Variants in ZNF503 observed in about 807,000 individuals in gnomAD.
The protein encoded by ZNF503 is zinc finger protein 503, also known as NocA-like zinc finger 2.
In ZNF503, 15 loss-of-function variants were observed where a neutral mutation model predicts 34.4. The ratio of observed to expected loss-of-function variants is 0.44; its 90% confidence interval spans 0.29 to 0.67. ZNF503 has a LOEUF of 0.67. Ranked by LOEUF, ZNF503 falls within the 30% of genes least tolerant of loss-of-function variation. The pLI is 0.13. For synonymous variants in ZNF503, 580 were observed against 456.8 expected (o/e 1.27, Z -3.44); for missense variants, 1,007 against 926.8 (o/e 1.09, Z -1.12).
chr10:75,348,286 G>A, the ZNF503 span, among the ~76,000 whole-genome samples: 2 of 150,212 alleles, frequency 1.3e-5, no homozygotes, highest in Admixed American at 6.7e-5. Context: ...GGTCTTGAAC[G>A]CCTGACCTCA....
At chr10:75,350,714 T>G in the ZNF503 span, among the ~76,000 whole-genome samples, 1 of 151,584 alleles carries the variant, frequency 6.6e-6, no homozygotes, top group Admixed American at 6.6e-5. Flanking sequence ...GGACTGGCTG[T>G]TTTTTTTGTT....
the ZNF503 span, among the ~76,000 whole-genome samples, chr10:75,308,536 T>A: frequency 1.3e-5 from 2 of 152,324 alleles, no homozygotes; most frequent in African/African-American, 4.8e-5. Context: ...TTCTGATGGA[T>A]CTGGGCAAAG....
At chr10:75,311,279 G>A in the ZNF503 span, among the ~76,000 whole-genome samples, 3 of 152,162 alleles carry the variant, frequency 2.0e-5, no homozygotes, top group Non-Finnish European at 2.9e-5. Context: ...CATGCTGGCA[G>A]CTGATTAGAT....
At chr10:75,392,904 G>T (rs530333156), downstream of ZNF503, among the ~76,000 whole-genome samples, 8 of 152,200 alleles carry the variant, frequency 5.3e-5, no homozygotes, top group Admixed American at 4.6e-4. Context: ...AGCCCCATTA[G>T]GTTGGTATCA....
At chr10:75,392,542 T>C in the ZNF503 span, among the ~76,000 whole-genome samples, 1 of 151,948 alleles carries the variant, frequency 6.6e-6, no homozygotes, top group Admixed American at 6.6e-5. Flanking sequence ...AAGGAGTGTA[T>C]GATGGGTGCC....
chr10:75,323,074 A>G, the ZNF503 span, among the ~76,000 whole-genome samples: 1 of 152,162 alleles, frequency 6.6e-6, no homozygotes, highest in Non-Finnish European at 1.5e-5. Context: ...TTCCCCTTGC[A>G]ATCAACCTCT....
chr10:75,281,698 A>T, the ZNF503 span, among the ~76,000 whole-genome samples: 1 of 152,196 alleles, frequency 6.6e-6, no homozygotes, highest in Non-Finnish European at 1.5e-5. Context: ...ACCACTCAGG[A>T]CATTGTCTGT....
chr10:75,329,038 T>C, the ZNF503 span, among the ~76,000 whole-genome samples: 1 of 152,178 alleles, frequency 6.6e-6, no homozygotes, highest in Non-Finnish European at 1.5e-5. Flanking sequence ...TGAGCCACCG[T>C]GCTCGGCCTG....
At chr10:75,325,773 T>G in the ZNF503 span, among the ~76,000 whole-genome samples, 1 of 98,134 alleles carries the variant, frequency 1.0e-5, no homozygotes, top group Non-Finnish European at 2.3e-5. Flanking sequence ...ATTTATTTAG[T>G]TCTTCTTTGA....
the ZNF503 span, among the ~76,000 whole-genome samples, chr10:75,359,413 A>C: frequency 2.0e-4 from 30 of 152,230 alleles, no homozygotes; most frequent in Admixed American, 1.9e-3. Context: ...CATTTTAAGC[A>C]TTTCATGCCT....
chr10:75,376,796 G>A, the ZNF503 span, among the ~76,000 whole-genome samples: 2 of 152,136 alleles, frequency 1.3e-5, no homozygotes, highest in Non-Finnish European at 2.9e-5. Context: ...AAGAGAGAAT[G>A]CATGCCTTCA....
the ZNF503 span, among the ~76,000 whole-genome samples, chr10:75,295,207 C>T: frequency 6.6e-6 from 1 of 151,460 alleles, no homozygotes; most frequent in African/African-American, 2.4e-5. This position sits in a 1 kb window ranked among gnomAD's most constrained non-coding sequence, Gnocchi z 4.0. Flanking sequence ...GGGGCGGGCC[C>T]GCCTGGGCGA....
rs781538069 is a variant in ZNF503 at position 75,399,905 on chromosome 10, C to T, written c.785G>A (p.Gly262Asp). The T allele has an allele frequency of 1.9e-6, 3 of 1,604,048 alleles. No individual in the cohort carries two copies. Among genetic ancestry groups the T allele is most frequent in the African/African-American group, 2.7e-5 (2 of 74,790 alleles). ...KDDKKDTDVG[G>D]GGKGTGGASA... The stretch of plus-strand genomic sequence containing the variant: ...GGCGCCCCCGGTGCCCTTGCCACCG[C>T]CGCCCACGTCGGTGTCTTTCTTGTC... The change falls in exon 2 of 2, where the codon GGC (glycine) becomes GAC (aspartate). Residue 262 changes from glycine to aspartate, a missense_variant. Coordinates refer to ENST00000372524, the MANE Select transcript of ZNF503 (RefSeq NM_032772.6).
At chr10:75,355,046 T>C in the ZNF503 span, among the ~76,000 whole-genome samples, 1 of 152,050 alleles carries the variant, frequency 6.6e-6, no homozygotes, top group African/African-American at 2.4e-5. Context: ...GGTTCCGCCA[T>C]GTTGGTCAGG....
At chr10:75,383,403 C>G in the ZNF503 span, among the ~76,000 whole-genome samples, 6 of 152,170 alleles carry the variant, frequency 3.9e-5, no homozygotes, top group African/African-American at 1.4e-4. Flanking sequence ...AGTTTCCCCC[C>G]ACTTCTGCTT....
the ZNF503 span, among the ~76,000 whole-genome samples, chr10:75,320,572 C>A: frequency 0.019 from 2,961 of 152,240 alleles, 90 homozygotes; most frequent in African/African-American, 0.068. Flanking sequence ...AATCCTAGCA[C>A]TTTGGGAGGC....
chr10:75,385,666 C>G, the ZNF503 span, among the ~76,000 whole-genome samples: 1 of 152,168 alleles, frequency 6.6e-6, no homozygotes, highest in East Asian at 1.9e-4. Flanking sequence ...TACAATTTAG[C>G]CTTGGAAGTC....
chr10:75,385,463 G>A, the ZNF503 span, among the ~76,000 whole-genome samples: 1 of 152,238 alleles, frequency 6.6e-6, no homozygotes, highest in Non-Finnish European at 1.5e-5. Context: ...GCGGCCCAAA[G>A]CCTGGGCCAG....
At chr10:75,360,221 C>T in the ZNF503 span, among the ~76,000 whole-genome samples, 9 of 149,928 alleles carry the variant, frequency 6.0e-5, no homozygotes, top group East Asian at 2.0e-4. Flanking sequence ...CCTGGATTCA[C>T]GCCACTCTCC....
Sources: allele counts gnomAD v4.1 joint callset (sites outside exome capture counted in the v4.1 genomes callset), GRCh38; gene constraint gnomAD v4.1.1; non-coding constraint Gnocchi (gnomAD v3.1); transcripts MANE v1.5; gene names NCBI Gene and HGNC (gene_info 2026-07-23, HGNC 2026-07-21).